MFSD6: variants seen among roughly 807,000 people sequenced by gnomAD.
MFSD6 encodes major facilitator superfamily domain containing 6.
MFSD6 carries 26 observed loss-of-function variants against 56.3 expected under a neutral mutation model. That is an observed-to-expected ratio of 0.46 (90% CI 0.34 to 0.64). The LOEUF (loss-of-function observed/expected upper bound fraction) is 0.64, where lower values mean the gene tolerates loss of function less well. Ranked by LOEUF, MFSD6 falls within the 30% of genes least tolerant of loss-of-function variation. The pLI is 0.01. For missense variants in MFSD6, 750 were observed against 986.2 expected (o/e 0.76, Z 3.21); for synonymous variants, 331 against 366.9 (o/e 0.90, Z 1.12).
rs2125110354 is a variant in MFSD6 at position 190,458,962 on chromosome 2, A to C, written c.1533-10796A>C. On this transcript the variant is annotated intron_variant, in intron 3 of 7. Coordinates refer to ENST00000392328, the MANE Select transcript of MFSD6 (RefSeq NM_017694.4). The surrounding 1 kb of genome is among the most constrained non-coding windows in gnomAD (Gnocchi z 5.3). ...GAATCATGCTTAGTTTCTGCTTAGC[A>C]GAAGGTAAAACAAGAACATCTGTTG... Among the ~76,000 whole-genome samples, 1 of 152,370 alleles carries C rather than the reference A, an allele frequency of 6.6e-6. No homozygotes were observed. The highest frequency in any genetic ancestry group is 2.4e-5 in the African/African-American group (1 of 41,592).
At position 190,478,222 on chromosome 2, in the gene MFSD6, T is replaced by G. The variant is rs1404270343; in HGVS notation, c.1630+8367T>G. 4.6e-5 allele frequency among the ~76,000 whole-genome samples: 7 copies of G among 152,300 alleles called. No homozygotes were observed. The East Asian group carries it at 1.3e-3, about 29-fold the overall frequency. ...ATTCTCCCTTATGCCAGTAGAAACC[T>G]AGCTACTGGTCTGAAGCCAGGGAAG... is the stretch of plus-strand genomic sequence containing the variant. On this transcript the variant is annotated intron_variant, in intron 4 of 7. Coordinates refer to ENST00000392328, the MANE Select transcript of MFSD6 (RefSeq NM_017694.4).
At position 190,411,404 on chromosome 2, in the gene MFSD6, T is replaced by C. The variant is rs567325323; in HGVS notation, c.-176+2901T>C. ...CCATCTCCTGACCTCATGATTCCCC[T>C]GCCTAGGCCTCCCAAAGTGCTGGGA... On this transcript the variant is annotated intron_variant, in intron 1 of 7. Transcript: ENST00000392328. 4.0e-4 allele frequency: 342 copies of C among 849,714 alleles called. 1 individual carries two copies. Among genetic ancestry groups the C allele is most frequent in the Middle Eastern group, 3.0e-3 (5 of 1,658 alleles). 52.6% of individuals were successfully genotyped at this position (849,714 alleles called of 1,614,324 possible). A position where few individuals can be genotyped will look rare whatever the true frequency, so the allele number is the denominator to read the frequency against.
chr2:190,449,209 C>T (rs913092242), intron 3 of MFSD6, among the ~76,000 whole-genome samples: 3 of 152,220 alleles, frequency 2.0e-5, no homozygotes, highest in African/African-American at 7.2e-5. Flanking sequence ...CGCAGTGGCT[C>T]ATGCCTGTAA....
Position 190,455,000 on chromosome 2 carries a change from A to T in MFSD6, c.1533-14758A>T, listed in dbSNP as rs552533664. 3.6e-4 allele frequency among the ~76,000 whole-genome samples: 17 copies of T among 46,604 alleles called. No homozygotes were observed. In the East Asian group the frequency reaches 8.4e-3, roughly 23 times the overall value. 30.6% of individuals were successfully genotyped at this position (46,604 alleles called of 152,430 possible). A position where few individuals can be genotyped will look rare whatever the true frequency, so the allele number is the denominator to read the frequency against. On this transcript the variant is annotated intron_variant, in intron 3 of 7. Coordinates refer to ENST00000392328, the MANE Select transcript of MFSD6 (RefSeq NM_017694.4). This position sits in a 1 kb window ranked among gnomAD's most constrained non-coding sequence, Gnocchi z 4.6. The stretch of plus-strand genomic sequence containing the variant: ...TATGTATATGTATATGTATATGTAT[A>T]ATGTATATGTATATGTATATGTGTG...
chr2:190,442,719 A>T (rs1237323401), intron 3 of MFSD6: 1 of 152,072 alleles, frequency 6.6e-6, no homozygotes, highest in Admixed American at 6.5e-5. Flanking sequence ...CAGAAAGGAG[A>T]TGTAGAATGG....
In MFSD6 at chr2:190,410,630, G is replaced by A. The variant is rs372403023; in HGVS notation, c.-176+2127G>A. ...ATTGAAGGCAGTATGAAGCTGACAG[G>A]TTTCTTTGTTTTACTTCCTTTGACA... is the stretch of plus-strand genomic sequence containing the variant. On this transcript the variant is annotated intron_variant, in intron 1 of 7. Coordinates refer to ENST00000392328, the MANE Select transcript of MFSD6 (RefSeq NM_017694.4). The surrounding 1 kb of genome is among the most constrained non-coding windows in gnomAD (Gnocchi z 4.4). 3.3e-5 allele frequency among the ~76,000 whole-genome samples: 5 copies of A among 152,300 alleles called. No homozygotes were observed. The highest frequency in any genetic ancestry group is 1.2e-4 in the African/African-American group (5 of 41,548).
intron 4 of MFSD6, among the ~76,000 whole-genome samples, chr2:190,476,872 C>T (rs1688350232): frequency 6.6e-6 from 1 of 151,906 alleles, no homozygotes; most frequent in African/African-American, 2.4e-5. Context: ...TACTATGCAG[C>T]CATAAAAAAT....
chr2:190,456,091 T>A lies in MFSD6; in HGVS notation c.1533-13667T>A, dbSNP rs1687024675. 6.6e-6 allele frequency among the ~76,000 whole-genome samples: 1 copy of A among 151,582 alleles called. No individual in the cohort carries two copies. Among genetic ancestry groups the A allele is most frequent in the Admixed American group, 6.6e-5 (1 of 15,210 alleles). ...TTGTAGCTGGGATTACAGGCATGCA[T>A]CACCATGCCCAGCTAATTTTTATAT... On this transcript the variant is annotated intron_variant, in intron 3 of 7. Transcript: ENST00000392328. The surrounding 1 kb of genome is among the most constrained non-coding windows in gnomAD (Gnocchi z 5.4).
Position 190,425,668 on chromosome 2 carries a change from T to C in MFSD6, c.-54+10255T>C, listed in dbSNP as rs771458197. The stretch of plus-strand genomic sequence containing the variant: ...GATTGAATTGACTGACTTTGAAATA[T>C]TGCATCAGCCTTGTATTTTTGGAAT... On this transcript the variant is annotated intron_variant, in intron 2 of 7. Coordinates refer to ENST00000392328, the MANE Select transcript of MFSD6 (RefSeq NM_017694.4). The surrounding 1 kb of genome is among the most constrained non-coding windows in gnomAD (Gnocchi z 4.3). 2.0e-5 allele frequency among the ~76,000 whole-genome samples: 3 copies of C among 152,222 alleles called. No homozygotes were observed. Among genetic ancestry groups the C allele is most frequent in the African/African-American group, 4.8e-5 (2 of 41,468 alleles).
In MFSD6 at chr2:190,457,782, CT is replaced by C. The variant is rs1687119840; in HGVS notation, c.1533-11975del. ...ATAACCAAAGCAGTTATGACCACTCCTGAGAAAGTCCACCTCAACTATGCAT... is the reference window on the plus strand; with the variant it reads ...ATAACCAAAGCAGTTATGACCACTCCGAGAAAGTCCACCTCAACTATGCAT... On this transcript the variant is annotated intron_variant, in intron 3 of 7. Coordinates refer to ENST00000392328, the MANE Select transcript of MFSD6 (RefSeq NM_017694.4). This position sits in a 1 kb window ranked among gnomAD's most constrained non-coding sequence, Gnocchi z 5.1. 6.6e-6 allele frequency among the ~76,000 whole-genome samples: 1 copy of C among 152,178 alleles called. No individual in the cohort carries two copies. The highest frequency in any genetic ancestry group is 2.1e-4 in the South Asian group (1 of 4,832).
At chr2:190,473,348 C>T (rs538680150) in intron 4 of MFSD6, among the ~76,000 whole-genome samples, 67 of 152,202 alleles carry the variant, frequency 4.4e-4, no homozygotes, top group African/African-American at 1.4e-3. Context: ...ACCCATCTCA[C>T]GTGCAGAAAC....
chr2:190,498,142 T>C lies in MFSD6; in HGVS notation c.2172+423T>C, dbSNP rs1298861971. On this transcript the variant is annotated intron_variant, in intron 7 of 7. Transcript: ENST00000392328. The surrounding 1 kb of genome is among the most constrained non-coding windows in gnomAD (Gnocchi z 5.9). ...CACTGTATGGGTCTGATAGGACACC[T>C]AACTCAGTGGAATTATGGTTATGCA... 1 of 162,672 alleles carries C rather than the reference T, an allele frequency of 6.1e-6. No individual in the cohort carries two copies. Among genetic ancestry groups the C allele is most frequent in the Non-Finnish European group, 1.4e-5 (1 of 73,574 alleles). 10.1% of individuals were successfully genotyped at this position (162,672 alleles called of 1,614,324 possible).
Position 190,491,537 on chromosome 2 carries a change from G to A in MFSD6, c.1891+1671G>A, listed in dbSNP as rs1451206273. Among the ~76,000 whole-genome samples the A allele has an allele frequency of 6.6e-6, 1 of 152,160 alleles. No individual in the cohort carries two copies. The highest frequency in any genetic ancestry group is 2.4e-5 in the African/African-American group (1 of 41,440). On this transcript the variant is annotated intron_variant, in intron 6 of 7. Coordinates refer to ENST00000392328, the MANE Select transcript of MFSD6 (RefSeq NM_017694.4). This position sits in a 1 kb window ranked among gnomAD's most constrained non-coding sequence, Gnocchi z 4.2. ...CTGGAGCCTGGTAGCCCTGCTGGGT[G>A]GGCTAGATCCAGAAGAGAAATGACA...
In MFSD6 at chr2:190,430,726, T is replaced by C. The variant is rs1442284038; in HGVS notation, c.-53-5251T>C. On this transcript the variant is annotated intron_variant, in intron 2 of 7. Coordinates refer to ENST00000392328, the MANE Select transcript of MFSD6 (RefSeq NM_017694.4). The stretch of plus-strand genomic sequence containing the variant: ...GTTCTCAATGAGCTGTTGGGTACAC[T>C]TCCCAGACGGGGTGGTGGCCAGGCA... Among the ~76,000 whole-genome samples the C allele has an allele frequency of 1.7e-4, 8 of 46,008 alleles. No individual in the cohort carries two copies. The East Asian group carries it at 6.1e-3, about 35-fold the overall frequency. 30.2% of individuals were successfully genotyped at this position (46,008 alleles called of 152,430 possible). A position where few individuals can be genotyped will look rare whatever the true frequency, so the allele number is the denominator to read the frequency against.
At position 190,484,911 on chromosome 2, in the gene MFSD6, C is replaced by T. The variant is rs551094018; in HGVS notation, c.1631-3746C>T. On this transcript the variant is annotated intron_variant, in intron 4 of 7. Coordinates refer to ENST00000392328, the MANE Select transcript of MFSD6 (RefSeq NM_017694.4). ...GCTTTCATTCTTCTGCTTTTAGTAT[C>T]AGAAATTTTGTTTTTGTGCTTTACT... Among the ~76,000 whole-genome samples, 13 of 152,104 alleles carry T rather than the reference C, an allele frequency of 8.5e-5. No individual in the cohort carries two copies. In the East Asian group the frequency reaches 1.9e-3, roughly 23 times the overall value.
At position 190,435,975 on chromosome 2, in the gene MFSD6, A is replaced by G; in HGVS notation, c.-53-2A>G. On this transcript the variant is annotated splice_acceptor_variant, in intron 2 of 7. Transcript: ENST00000392328. LOFTEE classifies it low-confidence loss of function (5UTR_SPLICE). ...AGCCATCTTTTAAATTTTACTTTACAGATCAACAGTACAAATTCTGAAGTT... is the reference window on the plus strand; with the variant it reads ...AGCCATCTTTTAAATTTTACTTTACGGATCAACAGTACAAATTCTGAAGTT... The G allele has an allele frequency of 2.0e-6, 3 of 1,532,078 alleles. No individual in the cohort carries two copies. The highest frequency in any genetic ancestry group is 1.8e-6 in the Non-Finnish European group (2 of 1,141,698). The allele number at this position is 1,532,078 out of a possible 1,614,324, so 94.9% of individuals were successfully genotyped here.
rs1026901075 is a variant in MFSD6 at position 190,471,905 on chromosome 2, G to A, written c.1630+2050G>A. On this transcript the variant is annotated intron_variant, in intron 4 of 7. Transcript: ENST00000392328. This position sits in a 1 kb window ranked among gnomAD's most constrained non-coding sequence, Gnocchi z 4.7. Reference sequence around the variant, plus strand: ...TCTGAGACAAAACTTCCAGAGGAACGATCAGGCAGCAATATTTGCTGTTCA... The same window carrying A: ...TCTGAGACAAAACTTCCAGAGGAACAATCAGGCAGCAATATTTGCTGTTCA... Among the ~76,000 whole-genome samples the A allele has an allele frequency of 3.9e-5, 6 of 152,154 alleles. No individual in the cohort carries two copies. Among genetic ancestry groups the A allele is most frequent in the African/African-American group, 7.2e-5 (3 of 41,416 alleles).
rs1391969126 is a variant in MFSD6 at position 190,439,406 on chromosome 2, A to G, written c.1532+1845A>G. Among the ~76,000 whole-genome samples the G allele has an allele frequency of 6.6e-6, 1 of 152,028 alleles. No homozygotes were observed. Among genetic ancestry groups the G allele is most frequent in the Non-Finnish European group, 1.5e-5 (1 of 68,018 alleles). On this transcript the variant is annotated intron_variant, in intron 3 of 7. Transcript: ENST00000392328. This position sits in a 1 kb window ranked among gnomAD's most constrained non-coding sequence, Gnocchi z 5.8. ...TATTATACTTTAAGTTTTAGGGTAC[A>G]CGTGCACAACGTGCAGATTTGTTGC...
chr2:190,457,400 T>C lies in MFSD6; in HGVS notation c.1533-12358T>C, dbSNP rs545421464. Among the ~76,000 whole-genome samples the C allele has an allele frequency of 9.2e-5, 14 of 152,324 alleles. No homozygotes were observed. Among genetic ancestry groups the C allele is most frequent in the Middle Eastern group, 3.4e-3 (1 of 294 alleles). Reference sequence around the variant, plus strand: ...AAAACCACCTAGCAGACCCCACTTCTTCCTGTTGGCCCCCTACCCCCAGGA... The same window carrying C: ...AAAACCACCTAGCAGACCCCACTTCCTCCTGTTGGCCCCCTACCCCCAGGA... On this transcript the variant is annotated intron_variant, in intron 3 of 7. Coordinates refer to ENST00000392328, the MANE Select transcript of MFSD6 (RefSeq NM_017694.4). The surrounding 1 kb of genome is among the most constrained non-coding windows in gnomAD (Gnocchi z 5.1).
Sources: gnomAD v4.1 joint callset for allele counts (sites outside exome capture counted in the v4.1 genomes callset) on GRCh38, gnomAD v4.1.1 for gene constraint, Gnocchi (gnomAD v3.1) non-coding constraint, MANE v1.5 for transcripts, NCBI Gene and HGNC (gene_info 2026-07-23, HGNC 2026-07-21) for gene names.